The following URGCP variants were observed in gnomAD, a reference collection of about 807,000 sequenced individuals.
URGCP encodes up-regulator of cell proliferation.
In URGCP, 13 loss-of-function variants were observed where a neutral mutation model predicts 24.6. The observed-to-expected ratio is 0.53, with a 90% CI of 0.34 to 0.84. The LOEUF (loss-of-function observed/expected upper bound fraction) is 0.84. Ranked by LOEUF, URGCP falls within the 40% of genes least tolerant of loss-of-function variation. The pLI is 0.01. For missense variants in URGCP, 899 were observed against 1,194.3 expected, an observed-to-expected ratio of 0.75 and a Z score of 3.64; for synonymous variants, 444 against 487.2, an observed-to-expected ratio of 0.91 and a Z score of 1.17.
intron 1 of URGCP, chr7:43,919,345 A>T: frequency 1.2e-6 from 1 of 844,188 alleles, no homozygotes; most frequent in Non-Finnish European, 2.1e-6. Context: ...GCCACAGACC[A>T]GATCCTGCAC....
intron 1 of URGCP, among the ~76,000 whole-genome samples, chr7:43,918,517 G>C (rs989699325): frequency 6.6e-6 from 1 of 152,062 alleles, no homozygotes; most frequent in Non-Finnish European, 1.5e-5. Context: ...CTGACCTCAA[G>C]TGATCCGCCC....
At chr7:43,896,416 C>G (rs1039996052) in intron 1 of URGCP, among the ~76,000 whole-genome samples, 34 of 141,952 alleles carry the variant, frequency 2.4e-4, no homozygotes, top group African/African-American at 8.8e-4. Context: ...GATTGCGCCA[C>G]GACAATCCAG....
upstream of URGCP, among the ~76,000 whole-genome samples, chr7:43,911,267 G>A (rs2095909806): frequency 6.6e-6 from 1 of 151,652 alleles, no homozygotes; most frequent in African/African-American, 2.4e-5. Context: ...TGGGTGTGGT[G>A]GCGCACACCT....
At chr7:43,881,167 T>C in intron 5 of URGCP, 1 of 701,818 alleles carries the variant, frequency 1.4e-6, no homozygotes, top group Non-Finnish European at 2.6e-6. Flanking sequence ...TTTTTATTTT[T>C]TAAGTAGCAT....
chr7:43,919,897 A>G, intron 1 of URGCP: 1 of 1,306,040 alleles, frequency 7.7e-7, no homozygotes, highest in Non-Finnish European at 1.1e-6. Context: ...AAGCTGCGGA[A>G]GTGGGAGGCC....
chr7:43,919,047 AT>A, intron 1 of URGCP: 1 of 1,054,746 alleles, frequency 9.5e-7, no homozygotes, highest in Non-Finnish European at 1.5e-6. Context: ...CCATGAGGAC[AT>A]TTTTAACATC....
intron 1 of URGCP, among the ~76,000 whole-genome samples, chr7:43,918,262 CAAAAAA>C (rs757829729): frequency 1.6e-4 from 9 of 55,230 alleles, no homozygotes; most frequent in African/African-American, 5.4e-4. Context: ...CAATAGACCT[CAAAAAA>C]AAAAAAAAAA....
chr7:43,895,912 T>A (rs1008628578), intron 1 of URGCP, among the ~76,000 whole-genome samples: 1 of 152,202 alleles, frequency 6.6e-6, no homozygotes, highest in Non-Finnish European at 1.5e-5. Context: ...CTATTCACAA[T>A]AGCCAAGATA....
intron 4 of URGCP, 24 bp downstream of exon 4, chr7:43,881,883 G>T (rs753127712): frequency 2.1e-5 from 34 of 1,612,848 alleles, no homozygotes; most frequent in Non-Finnish European, 2.8e-5. Context: ...AGTCCAATCT[G>T]TTGCCAAATC....
At chr7:43,916,309 T>A (rs1176801070) in intron 1 of URGCP, among the ~76,000 whole-genome samples, 5 of 152,118 alleles carry the variant, frequency 3.3e-5, no homozygotes, top group Non-Finnish European at 1.5e-5. Flanking sequence ...TTTTAGAAGA[T>A]GTTTTACTCA....
chr7:43,887,473 C>G lies in URGCP; in HGVS notation c.54G>C (p.Leu18Phe), dbSNP rs1319494572. The change falls in exon 3 of 6, where the codon TTG becomes TTC. Residue 18 changes from leucine to phenylalanine, a missense_variant. Leu to Phe is a conservative substitution (Grantham distance 22). Transcript: ENST00000453200. ...CTTTTATTTCTGGGGCTACTTCTCC[C>G]AAATCTGAATGCCTGAAACAATTTC... ...VELLGKGHSD[L>F]GEVAPEIKAS... is the part of the protein sequence containing the mutation. 6 of 1,613,740 alleles carry G rather than the reference C, an allele frequency of 3.7e-6. No homozygotes were observed. Among genetic ancestry groups the G allele is most frequent in the Non-Finnish European group, 4.2e-6 (5 of 1,179,814 alleles).
chr7:43,887,747 A>G, intron 2 of URGCP, 43 bp downstream of exon 2: 2 of 1,547,228 alleles, frequency 1.3e-6, no homozygotes, highest in Non-Finnish European at 8.7e-7. Flanking sequence ...TGCTGGCCAG[A>G]GCACAAATAC....
intron 4 of URGCP, 69 bp downstream of exon 4, chr7:43,881,838 G>A (rs1266029900): frequency 4.1e-5 from 66 of 1,604,360 alleles, no homozygotes; most frequent in South Asian, 1.2e-4. Flanking sequence ...ATAAAATCCC[G>A]GTTATCTGTC....
chr7:43,890,172 T>G (rs2095868410), intron 1 of URGCP, among the ~76,000 whole-genome samples: 1 of 151,318 alleles, frequency 6.6e-6, no homozygotes, highest in South Asian at 2.1e-4. Flanking sequence ...CCCAAAGTGC[T>G]GGGATTACAG....
chr7:43,918,385 G>A (rs1440287781), intron 1 of URGCP, among the ~76,000 whole-genome samples: 1 of 151,324 alleles, frequency 6.6e-6, no homozygotes, highest in Non-Finnish European at 1.5e-5. Context: ...AGGCTACAGT[G>A]CAGTGGCATG....
At chr7:43,881,461 C>A (rs1279530696) in intron 5 of URGCP, among the ~76,000 whole-genome samples, 198 bp downstream of exon 5, 1 of 146,360 alleles carries the variant, frequency 6.8e-6, no homozygotes, top group Non-Finnish European at 1.5e-5. Context: ...ATGTGGTTAG[C>A]AAGCTTCCCA....
chr7:43,915,561 T>C (rs927124417), intron 1 of URGCP, among the ~76,000 whole-genome samples: 14 of 152,208 alleles, frequency 9.2e-5, no homozygotes, highest in Admixed American at 9.2e-4. Context: ...AGGCAAGTGG[T>C]GGCTCCCTGC....
chr7:43,880,816 C>T (rs1034178911), intron 5 of URGCP, among the ~76,000 whole-genome samples: 1 of 152,184 alleles, frequency 6.6e-6, no homozygotes, highest in Non-Finnish European at 1.5e-5. Flanking sequence ...GAGGAAGCAA[C>T]GTGTATGATA....
chr7:43,897,584 G>C (rs959060122), intron 1 of URGCP, among the ~76,000 whole-genome samples: 7 of 151,454 alleles, frequency 4.6e-5, no homozygotes, highest in Non-Finnish European at 1.0e-4. Context: ...AAGAGGAAGA[G>C]AAAAAAAATA....
Sources: allele counts gnomAD v4.1 joint callset (sites outside exome capture counted in the v4.1 genomes callset), GRCh38; gene constraint gnomAD v4.1.1; transcripts MANE v1.5; gene names NCBI Gene and HGNC (gene_info 2026-07-23, HGNC 2026-07-21).